STXBP5L: variants seen among roughly 807,000 people sequenced by gnomAD.
STXBP5L encodes the protein syntaxin binding protein 5L, also known as syntaxin-binding protein 5-like.
A neutral mutation model predicts 144.5 loss-of-function variants in STXBP5L; 65 were observed. That is an observed-to-expected ratio of 0.45 (90% CI 0.37 to 0.55). The LOEUF (loss-of-function observed/expected upper bound fraction) is 0.55. Ranked by LOEUF, STXBP5L falls within the 20% of genes least tolerant of loss-of-function variation. STXBP5L has a pLI of 0.00. For missense variants in STXBP5L, 1,298 were observed against 1,405.5 expected, an observed-to-expected ratio of 0.92 and a Z score of 1.22; for synonymous variants, 505 against 469.6, an observed-to-expected ratio of 1.08 and a Z score of -0.97.
At chr3:121,394,710 T>C (rs965074300) in intron 22 of STXBP5L, among the ~76,000 whole-genome samples, 1 of 147,362 alleles carries the variant, frequency 6.8e-6, no homozygotes, top group Non-Finnish European at 1.5e-5. Flanking sequence ...GTTCAGGCCA[T>C]TCTCCTGCCT....
At chr3:121,413,399 A>C (rs1178579922) in intron 24 of STXBP5L, 76 bp downstream of exon 24, 2 of 1,316,396 alleles carry the variant, frequency 1.5e-6, no homozygotes, top group East Asian at 2.6e-5. Context: ...AAAAACAAAA[A>C]TATTATTAGG....
At chr3:121,049,839 G>A (rs1333875101) in intron 5 of STXBP5L, 5 of 152,884 alleles carry the variant, frequency 3.3e-5, no homozygotes, top group African/African-American at 4.8e-5. Flanking sequence ...ACTCCTGGGA[G>A]TCTGTGAGTA....
intron 9 of STXBP5L, among the ~76,000 whole-genome samples, chr3:121,172,743 T>G (rs7620938): frequency 0.21 from 32,464 of 152,122 alleles, 3,695 homozygotes; most frequent in Non-Finnish European, 0.26. Flanking sequence ...GGAGTGTAAA[T>G]TAGTTCAGCC....
intron 9 of STXBP5L, among the ~76,000 whole-genome samples, chr3:121,180,403 A>G (rs1246904951): frequency 6.6e-6 from 1 of 152,214 alleles, no homozygotes; most frequent in Non-Finnish European, 1.5e-5. Flanking sequence ...ATTTGCCACT[A>G]CTACACCAGC....
At chr3:121,402,667 C>T in intron 22 of STXBP5L, among the ~76,000 whole-genome samples, 1 of 152,214 alleles carries the variant, frequency 6.6e-6, no homozygotes, top group East Asian at 1.9e-4. Context: ...TACATAACCA[C>T]ACTAAAGTGT....
At chr3:120,973,126 A>G (rs1400163996) in intron 3 of STXBP5L, among the ~76,000 whole-genome samples, 1 of 152,102 alleles carries the variant, frequency 6.6e-6, no homozygotes, top group South Asian at 2.1e-4. Context: ...ATATTTTGGC[A>G]TAACTTTAGT....
chr3:121,200,052 G>A (rs1303772731), intron 9 of STXBP5L, among the ~76,000 whole-genome samples: 1 of 152,168 alleles, frequency 6.6e-6, no homozygotes, highest in Non-Finnish European at 1.5e-5. Context: ...AGTTTCAGAA[G>A]GAATGGTTCC....
rs573506351 is a variant in STXBP5L at position 120,974,312 on chromosome 3, A to G, written c.287+19275A>G. Among the ~76,000 whole-genome samples the G allele has an allele frequency of 2.6e-5, 4 of 152,156 alleles. No homozygotes were observed. In the East Asian group the frequency reaches 5.8e-4, roughly 22 times the overall value. On this transcript the variant is annotated intron_variant, in intron 3 of 26. Coordinates refer to ENST00000471454, the MANE Select transcript of STXBP5L (RefSeq NM_001308330.2). ...GGCCAGTGATGATGAGCACTTTTTC[A>G]TGTGTCTTTTGGCTGCATAAATGTC...
chr3:120,993,940 G>C (rs9862272), intron 3 of STXBP5L, among the ~76,000 whole-genome samples: 15,082 of 151,856 alleles, frequency 0.099, 1,184 homozygotes, highest in Admixed American at 0.2. Flanking sequence ...CATGGGATAT[G>C]TTTCCATCTG....
Position 121,032,876 on chromosome 3 carries a change from C to A in STXBP5L, c.288-8824C>A, listed in dbSNP as rs1469509895. On this transcript the variant is annotated intron_variant, in intron 3 of 26. Transcript: ENST00000471454. ...GCAAATCAAAACCACTATGAGATAT[C>A]ATCTCACATCAGTTAGAATGGCAAT... Among the ~76,000 whole-genome samples the A allele has an allele frequency of 5.3e-5, 3 of 56,962 alleles. 1 individual carries two copies. Among genetic ancestry groups the A allele is most frequent in the Non-Finnish European group, 1.1e-4 (3 of 28,340 alleles). The allele number at this position is 56,962 out of a possible 152,430, so 37.4% of individuals were successfully genotyped here.
intron 5 of STXBP5L, among the ~76,000 whole-genome samples, chr3:121,066,362 GTATATA>G (rs35546907): frequency 1.4e-5 from 2 of 146,136 alleles, no homozygotes; most frequent in African/African-American, 2.5e-5. Context: ...TCCTATAAGC[GTATATA>G]TATATATATA....
chr3:121,137,197 C>G (rs2045297451), intron 7 of STXBP5L, among the ~76,000 whole-genome samples: 1 of 151,990 alleles, frequency 6.6e-6, no homozygotes, highest in African/African-American at 2.4e-5. Context: ...TCCCCATGTA[C>G]CAAACCTGCA....
At chr3:121,052,493 A>C (rs1053947187) in intron 5 of STXBP5L, among the ~76,000 whole-genome samples, 11 of 152,176 alleles carry the variant, frequency 7.2e-5, no homozygotes, top group Non-Finnish European at 2.9e-5. Flanking sequence ...AAAGGCAAAA[A>C]CCACATGATT....
At chr3:121,098,293 C>T (rs1249553212) in intron 5 of STXBP5L, among the ~76,000 whole-genome samples, 1 of 152,086 alleles carries the variant, frequency 6.6e-6, no homozygotes, top group Non-Finnish European at 1.5e-5. Flanking sequence ...CCTCTGAAAG[C>T]TTACAATCAT....
intron 3 of STXBP5L, among the ~76,000 whole-genome samples, chr3:121,029,213 T>G (rs1946183111): frequency 6.6e-6 from 1 of 151,992 alleles, no homozygotes; most frequent in Non-Finnish European, 1.5e-5. Context: ...AAAGAGCCCA[T>G]ATAGCCAAGA....
intron 5 of STXBP5L, among the ~76,000 whole-genome samples, chr3:121,110,926 C>T (rs1299972597): frequency 6.6e-6 from 1 of 152,198 alleles, no homozygotes; most frequent in Non-Finnish European, 1.5e-5. Context: ...TTATTCATTC[C>T]TTTTCATTCC....
chr3:121,165,121 A>T (rs2046455385), intron 9 of STXBP5L, among the ~76,000 whole-genome samples: 1 of 152,230 alleles, frequency 6.6e-6, no homozygotes, highest in Non-Finnish European at 1.5e-5. Context: ...TACATTCCAT[A>T]ACGTCATGTT....
chr3:121,314,552 C>A (rs1447614751), intron 19 of STXBP5L, among the ~76,000 whole-genome samples: 1 of 145,110 alleles, frequency 6.9e-6, no homozygotes, highest in South Asian at 2.3e-4. Flanking sequence ...GCAGTACCGT[C>A]CAGCTTTGGC....
intron 5 of STXBP5L, among the ~76,000 whole-genome samples, chr3:121,081,639 TC>T (rs1293371087): frequency 6.6e-6 from 1 of 152,240 alleles, no homozygotes; most frequent in Non-Finnish European, 1.5e-5. Context: ...ATTTAATTTT[TC>T]CCTAGTATTT....
Sources: allele counts gnomAD v4.1 joint callset (sites outside exome capture counted in the v4.1 genomes callset), GRCh38; gene constraint gnomAD v4.1.1; transcripts MANE v1.5; gene names NCBI Gene and HGNC (gene_info 2026-07-23, HGNC 2026-07-21).